Variants in OPCML observed in about 807,000 individuals in gnomAD.
OPCML encodes the protein opioid binding protein/cell adhesion molecule like.
Under a neutral mutation model 37.8 loss-of-function variants are expected in OPCML, and 13 were observed. The observed-to-expected ratio is 0.34, with a 90% CI of 0.22 to 0.55. The LOEUF (loss-of-function observed/expected upper bound fraction) is 0.55. OPCML is among the 20% of genes least tolerant of loss of function. OPCML has a pLI of 0.91. For synonymous variants in OPCML, 176 were observed against 168.8 expected (o/e 1.04, Z -0.33); for missense variants, 341 against 435.6 (o/e 0.78, Z 1.93).
intron 2 of OPCML, among the ~76,000 whole-genome samples, chr11:132,773,730 T>G (rs1946720595): frequency 6.6e-6 from 1 of 152,194 alleles, no homozygotes; most frequent in African/African-American, 2.4e-5. Context: ...ATGTCATGTG[T>G]TCAATTCTCT....
Position 132,893,371 on chromosome 11 carries a change from G to A in OPCML, c.146+49555C>T, listed in dbSNP as rs181322155. Among the ~76,000 whole-genome samples the A allele has an allele frequency of 1.8e-3, 277 of 152,284 alleles. 1 individual carries two copies. The highest frequency in any genetic ancestry group is 3.1e-3 in the Non-Finnish European group (209 of 68,028). On this transcript the variant is annotated intron_variant, in intron 2 of 7. Transcript: ENST00000524381. The stretch of plus-strand genomic sequence containing the variant: ...CATGGCTGTGAGAAGTGCAGTTACC[G>A]CCCCTGCCCCACCCCGGTGCAGCCC...
intron 1 of OPCML, among the ~76,000 whole-genome samples, chr11:133,090,939 C>A (rs951312656): frequency 1.1e-4 from 17 of 152,252 alleles, no homozygotes; most frequent in Non-Finnish European, 2.1e-4. Context: ...AACAATGACC[C>A]AGAGGGCATT....
chr11:132,887,826 G>A (rs753354645), intron 2 of OPCML, among the ~76,000 whole-genome samples: 4 of 152,194 alleles, frequency 2.6e-5, no homozygotes, highest in Admixed American at 6.5e-5. Context: ...CTTCTACTAC[G>A]CTTAGCTTTC....
chr11:133,105,051 A>AT (rs1226569557), intron 1 of OPCML, among the ~76,000 whole-genome samples: 3 of 152,354 alleles, frequency 2.0e-5, no homozygotes, highest in African/African-American at 7.2e-5. Context: ...TAAGAATTTG[A>AT]TATGTATCCT....
intron 1 of OPCML, among the ~76,000 whole-genome samples, chr11:133,345,061 A>G (rs1235318418): frequency 6.6e-6 from 1 of 152,158 alleles, no homozygotes; most frequent in Non-Finnish European, 1.5e-5. Flanking sequence ...CGACCATCAC[A>G]TTGATCTCAA....
At chr11:133,439,439 CTTTTTTGT>C (rs1324943256) in intron 1 of OPCML, 6 of 984,908 alleles carry the variant, frequency 6.1e-6, no homozygotes, top group Non-Finnish European at 6.0e-6. Flanking sequence ...CAACCTAACT[CTTTTTTGT>C]TTTTTTGTTT....
intron 1 of OPCML, among the ~76,000 whole-genome samples, chr11:133,397,528 G>A (rs1945314717): frequency 6.6e-6 from 1 of 152,210 alleles, no homozygotes; most frequent in African/African-American, 2.4e-5. Flanking sequence ...AGATCACCTG[G>A]AGAAAGCAGA....
At chr11:133,486,048 C>T (rs1947519517) in intron 1 of OPCML, among the ~76,000 whole-genome samples, 1 of 152,134 alleles carries the variant, frequency 6.6e-6, no homozygotes, top group Non-Finnish European at 1.5e-5. Flanking sequence ...TTTGTTTAAG[C>T]ATGAGTTATA....
intron 1 of OPCML, among the ~76,000 whole-genome samples, chr11:133,447,820 A>G (rs4937775): frequency 0.58 from 88,417 of 152,150 alleles, 28,314 homozygotes; most frequent in African/African-American, 0.86. Flanking sequence ...TGAACAGTAC[A>G]GTGATGAACA....
intron 1 of OPCML, among the ~76,000 whole-genome samples, chr11:133,070,094 C>A (rs758026608): frequency 6.6e-6 from 1 of 152,080 alleles, no homozygotes; most frequent in Non-Finnish European, 1.5e-5. Flanking sequence ...GCATTTGTGT[C>A]GGGTGGGGCA....
chr11:132,835,653 T>G (rs1373604740), intron 2 of OPCML, among the ~76,000 whole-genome samples: 1 of 152,228 alleles, frequency 6.6e-6, no homozygotes, highest in East Asian at 1.9e-4. Flanking sequence ...TTTTACTTAT[T>G]TGTGAATCCC....
chr11:132,813,996 C>G (rs1353211485), intron 2 of OPCML, among the ~76,000 whole-genome samples: 1 of 152,176 alleles, frequency 6.6e-6, no homozygotes, highest in Non-Finnish European at 1.5e-5. Flanking sequence ...TAGTGGTTGC[C>G]TCAAAGTTAT....
intron 1 of OPCML, among the ~76,000 whole-genome samples, chr11:133,166,757 G>A (rs922066743): frequency 2.0e-5 from 3 of 152,190 alleles, no homozygotes; most frequent in Non-Finnish European, 2.9e-5. Context: ...TGGTTACTAA[G>A]CCCAGGATAA....
intron 1 of OPCML, chr11:133,005,423 T>C: frequency 1.0e-6 from 1 of 985,416 alleles, no homozygotes; most frequent in Non-Finnish European, 1.2e-6. Context: ...AACACCCATG[T>C]TCTCCTTTTC....
At chr11:133,214,583 T>A (rs572348855) in intron 1 of OPCML, among the ~76,000 whole-genome samples, 75 of 152,360 alleles carry the variant, frequency 4.9e-4, no homozygotes, top group African/African-American at 1.7e-3. Flanking sequence ...ATATAGTTCA[T>A]ACTCATTTAC....
intron 4 of OPCML, among the ~76,000 whole-genome samples, chr11:132,494,126 G>T (rs2096224139): frequency 2.6e-5 from 4 of 152,086 alleles, no homozygotes; most frequent in African/African-American, 4.8e-5. Flanking sequence ...CAGAAATAAT[G>T]GTCTCTGTTG....
At chr11:132,594,537 T>G (rs1158452633) in intron 3 of OPCML, among the ~76,000 whole-genome samples, 1 of 152,208 alleles carries the variant, frequency 6.6e-6, no homozygotes, top group East Asian at 1.9e-4. Context: ...TTGTAATAAT[T>G]TTTATATCTA....
intron 3 of OPCML, among the ~76,000 whole-genome samples, chr11:132,620,637 C>G (rs1167114055): frequency 2.6e-5 from 4 of 152,178 alleles, no homozygotes; most frequent in Admixed American, 2.6e-4. Flanking sequence ...TGTTTCTGCT[C>G]AGCCATGCAG....
intron 2 of OPCML, among the ~76,000 whole-genome samples, chr11:132,871,221 A>G (rs996445700): frequency 2.1e-4 from 32 of 151,908 alleles, no homozygotes; most frequent in African/African-American, 7.5e-4. Flanking sequence ...TTTAAAAAAA[A>G]AAAAAAGACA....
Sources: gnomAD v4.1 joint callset for allele counts (sites outside exome capture counted in the v4.1 genomes callset) on GRCh38, gnomAD v4.1.1 for gene constraint, MANE v1.5 for transcripts, NCBI Gene and HGNC (gene_info 2026-07-23, HGNC 2026-07-21) for gene names.